Variants in ETV1 observed in about 807,000 individuals in gnomAD.
ETV1 encodes the protein ETS variant transcription factor 1.
In ETV1, 27 loss-of-function variants were observed where a neutral mutation model predicts 62.3. The ratio of observed to expected loss-of-function variants is 0.43; its 90% confidence interval spans 0.32 to 0.60. ETV1 has a LOEUF of 0.60. Ranked by LOEUF, ETV1 falls within the 20% of genes least tolerant of loss-of-function variation. The probability of loss-of-function intolerance (pLI) is 0.06; values close to 1 mark genes in which losing one functional copy is unlikely to be tolerated. For synonymous variants in ETV1, 222 were observed against 199.6 expected (o/e 1.11, Z -0.94); for missense variants, 605 against 605.8 (o/e 1.00, Z 0.01).
intron 10 of ETV1, among the ~76,000 whole-genome samples, chr7:13,910,928 A>G (rs973949616): frequency 1.3e-5 from 2 of 152,212 alleles, no homozygotes; most frequent in African/African-American, 4.8e-5. Context: ...CCTCAAAGAT[A>G]CATTTCAGTA....
rs1583539069 is a variant in ETV1 at position 13,895,361 on chromosome 7, T to C, written c.*505A>G. The C allele has an allele frequency of 8.5e-6, 2 of 234,630 alleles. No individual in the cohort carries two copies. Among genetic ancestry groups the C allele is most frequent in the East Asian group, 1.2e-4 (2 of 16,580 alleles). 14.5% of individuals were successfully genotyped at this position (234,630 alleles called of 1,614,324 possible). A position where few individuals can be genotyped will look rare whatever the true frequency, so the allele number is the denominator to read the frequency against. ...GTGCAAAAACAGTCATTTCTAACAA[T>C]TAAACTGCCATTTACAGTAGATTGG... On this transcript the variant is annotated 3_prime_UTR_variant, in exon 14 of 14. Transcript: ENST00000430479.
At chr7:13,990,619 G>GT (rs776563694), upstream of ETV1, 1 of 152,548 alleles carries the variant, frequency 6.6e-6, no homozygotes, top group South Asian at 2.1e-4. Flanking sequence ...GGGGCGAGCG[G>GT]TGAGATGGCT....
intron 8 of ETV1, among the ~76,000 whole-genome samples, chr7:13,935,487 T>C (rs1365699788): frequency 6.6e-6 from 1 of 152,242 alleles, no homozygotes; most frequent in East Asian, 1.9e-4. Context: ...ATTTTCCATT[T>C]TAGCAACCAA....
intron 6 of ETV1, among the ~76,000 whole-genome samples, chr7:13,946,782 A>G (rs562496068): frequency 6.6e-6 from 1 of 152,172 alleles, no homozygotes; most frequent in East Asian, 1.9e-4. Context: ...TATTTTATTT[A>G]TTTATTCATT....
chr7:13,990,093 C>A (rs1469923503), upstream of ETV1: 1 of 153,292 alleles, frequency 6.5e-6, no homozygotes, highest in Non-Finnish European at 1.5e-5. Flanking sequence ...TTCAGCTGCC[C>A]TCCCCTCAGG....
At chr7:13,970,938 A>AT (rs1780836485) in intron 6 of ETV1, among the ~76,000 whole-genome samples, 1 of 151,910 alleles carries the variant, frequency 6.6e-6, no homozygotes, top group Non-Finnish European at 1.5e-5. Flanking sequence ...GAAAAAAAAA[A>AT]GTCAAATGCT....
At chr7:13,949,276 A>G (rs1193820621) in intron 6 of ETV1, among the ~76,000 whole-genome samples, 1 of 152,232 alleles carries the variant, frequency 6.6e-6, no homozygotes, top group Non-Finnish European at 1.5e-5. Flanking sequence ...AGCCTTTTAT[A>G]CAAATATATG....
intron 9 of ETV1, among the ~76,000 whole-genome samples, chr7:13,924,415 G>A (rs1419418930): frequency 2.6e-5 from 4 of 152,112 alleles, no homozygotes; most frequent in East Asian, 1.9e-4. Flanking sequence ...AAGAATGCTC[G>A]TGGTATATTT....
intron 13 of ETV1, among the ~76,000 whole-genome samples, chr7:13,899,629 A>C (rs940932309): frequency 1.3e-5 from 2 of 152,244 alleles, no homozygotes; most frequent in African/African-American, 4.8e-5. Flanking sequence ...AAATGATACA[A>C]AATAAAACTG....
rs191908692 is a variant in ETV1 at position 13,930,963 on chromosome 7, G to A, written c.802+539C>T. On this transcript the variant is annotated intron_variant, in intron 9 of 13. Coordinates refer to ENST00000430479, the MANE Select transcript of ETV1 (RefSeq NM_004956.5). Reference sequence around the variant, plus strand: ...CTACAGGCACGTGCCACCATGCCTGGCTAATTTTTTGTACTTTTAGTAGAG... The same window carrying A: ...CTACAGGCACGTGCCACCATGCCTGACTAATTTTTTGTACTTTTAGTAGAG... Among the ~76,000 whole-genome samples, 746 of 151,732 alleles carry A rather than the reference G, an allele frequency of 4.9e-3. 9 individuals are homozygous for A. The highest frequency in any genetic ancestry group is 0.017 in the African/African-American group (699 of 41,370).
At chr7:13,944,556 G>A (rs1005159616) in intron 6 of ETV1, among the ~76,000 whole-genome samples, 1 of 152,062 alleles carries the variant, frequency 6.6e-6, no homozygotes, top group South Asian at 2.1e-4. Flanking sequence ...GCTGGGGCGG[G>A]GGTGGTGAGA....
intron 9 of ETV1, among the ~76,000 whole-genome samples, chr7:13,925,571 T>TC (rs1228964440): frequency 6.6e-6 from 1 of 151,820 alleles, no homozygotes; most frequent in Non-Finnish European, 1.5e-5. Flanking sequence ...TAATTGATTT[T>TC]TTTTTTTTTT....
chr7:13,979,331 CAT>C (rs1260544527), intron 5 of ETV1, among the ~76,000 whole-genome samples: 5 of 151,984 alleles, frequency 3.3e-5, no homozygotes, highest in African/African-American at 1.2e-4. Flanking sequence ...CAAAAAAGTA[CAT>C]GTCATTACAA....
At chr7:13,923,933 G>A (rs1181091045) in intron 9 of ETV1, among the ~76,000 whole-genome samples, 1 of 152,092 alleles carries the variant, frequency 6.6e-6, no homozygotes, top group Non-Finnish European at 1.5e-5. Flanking sequence ...TACTCAGGAG[G>A]CTGAGGCAGG....
At chr7:13,963,417 T>A (rs1044041359) in intron 6 of ETV1, among the ~76,000 whole-genome samples, 1 of 151,402 alleles carries the variant, frequency 6.6e-6, no homozygotes, top group Non-Finnish European at 1.5e-5. Flanking sequence ...AATATGAAAA[T>A]AAGAGCATAT....
At chr7:13,942,104 A>G (rs1330204509) in intron 6 of ETV1, among the ~76,000 whole-genome samples, 4 of 146,910 alleles carry the variant, frequency 2.7e-5, no homozygotes, top group Admixed American at 6.9e-5. Context: ...GCTCACTGCA[A>G]GCTCCACCTC....
chr7:13,915,477 T>C (rs1355386284), intron 9 of ETV1, among the ~76,000 whole-genome samples: 1 of 152,238 alleles, frequency 6.6e-6, no homozygotes, highest in African/African-American at 2.4e-5. Context: ...TGACAGATCT[T>C]GCCAACATTT....
chr7:13,915,217 A>C (rs1784020610), intron 9 of ETV1, among the ~76,000 whole-genome samples: 2 of 152,184 alleles, frequency 1.3e-5, no homozygotes, highest in Non-Finnish European at 2.9e-5. Context: ...GATATGACAA[A>C]ATCAAGTGCA....
intron 7 of ETV1, among the ~76,000 whole-genome samples, chr7:13,936,932 T>G (rs1238492372): frequency 1.3e-5 from 2 of 151,986 alleles, no homozygotes; most frequent in South Asian, 4.1e-4. Context: ...GGCTCAGATA[T>G]TCACGAGACT....
Sources: allele counts gnomAD v4.1 joint callset (sites outside exome capture counted in the v4.1 genomes callset), GRCh38; gene constraint gnomAD v4.1.1; transcripts MANE v1.5; gene names NCBI Gene and HGNC (gene_info 2026-07-23, HGNC 2026-07-21).